The following SNX29 variants were observed in gnomAD, a reference collection of about 807,000 sequenced individuals.
The protein encoded by SNX29 is sorting nexin 29.
SNX29 carries 78 observed loss-of-function variants against 102.1 expected under a neutral mutation model. The observed-to-expected ratio is 0.76, with a 90% CI of 0.64 to 0.92. SNX29 has a LOEUF of 0.92. Among genes scored for constraint, SNX29 ranks in the 40% least tolerant of loss-of-function variants. The pLI, the probability that SNX29 is intolerant of heterozygous loss-of-function variation, is 0.00. For missense variants in SNX29, 1,280 were observed against 1,061.7 expected (o/e 1.21, Z -2.86); for synonymous variants, 580 against 414.5 (o/e 1.40, Z -4.85).
intron 15 of SNX29, among the ~76,000 whole-genome samples, chr16:12,299,194 G>GATA (rs2080080532): frequency 1.3e-5 from 2 of 152,090 alleles, no homozygotes; most frequent in Non-Finnish European, 2.9e-5. Flanking sequence ...CAGCTACTGA[G>GATA]GAGGCTGAGG....
rs1598147860 is a variant in SNX29, at chr16:12,574,255, A to T, written c.*5626A>T. 1.1e-5 allele frequency: 2 copies of T among 175,504 alleles called. No individual in the cohort carries two copies. Among genetic ancestry groups the T allele is most frequent in the East Asian group, 2.0e-4 (2 of 10,188 alleles). The allele number at this position is 175,504 out of a possible 1,614,324, so 10.9% of individuals were successfully genotyped here. ...GATCAACCTCTTTACAATGACACAA[A>T]TTGTGACATTTTATAAATTAGATAC... On this transcript the variant is annotated 3_prime_UTR_variant, in exon 21 of 21. Transcript: ENST00000566228.
Position 12,189,469 on chromosome 16 carries a change from C to G in SNX29, c.1596-10132C>G, listed in dbSNP as rs937151432. 4.6e-5 allele frequency among the ~76,000 whole-genome samples: 7 copies of G among 152,198 alleles called. No homozygotes were observed. In the South Asian group the frequency reaches 6.2e-4, roughly 14 times the overall value. On this transcript the variant is annotated intron_variant, in intron 13 of 20. Coordinates refer to ENST00000566228, the MANE Select transcript of SNX29 (RefSeq NM_032167.5). ...CTTGATGTTTCCTTTTGATTAGATT[C>G]GGTTTATGCATCTTCGTAGGAATGT... is the stretch of plus-strand genomic sequence containing the variant.
At chr16:12,218,715 A>C (rs1286514205) in intron 14 of SNX29, among the ~76,000 whole-genome samples, 1 of 152,206 alleles carries the variant, frequency 6.6e-6, no homozygotes, top group East Asian at 1.9e-4. Context: ...GCTATGCTAT[A>C]ATTTTTCAAA....
intron 19 of SNX29, among the ~76,000 whole-genome samples, chr16:12,508,452 A>G (rs1482625359): frequency 1.3e-5 from 2 of 152,162 alleles, no homozygotes; most frequent in Non-Finnish European, 2.9e-5. Context: ...TTGCTTCTGG[A>G]TGGCCTGTAG....
intron 11 of SNX29, among the ~76,000 whole-genome samples, chr16:12,118,001 G>T (rs2053805764): frequency 6.6e-6 from 1 of 152,052 alleles, no homozygotes; most frequent in East Asian, 1.9e-4. Flanking sequence ...GGAGGCTGAG[G>T]CAGGAGGATT....
chr16:12,035,769 G>C (rs3975436), intron 4 of SNX29, among the ~76,000 whole-genome samples: 4 of 152,184 alleles, frequency 2.6e-5, no homozygotes, highest in Non-Finnish European at 4.4e-5. Flanking sequence ...GTGGTATGTA[G>C]TCCTTTATCT....
intron 18 of SNX29, among the ~76,000 whole-genome samples, chr16:12,417,713 C>A (rs975881201): frequency 6.6e-6 from 1 of 151,780 alleles, no homozygotes; most frequent in Non-Finnish European, 1.5e-5. Flanking sequence ...TCTCTTTCCT[C>A]TCTTCTCTTT....
intron 15 of SNX29, among the ~76,000 whole-genome samples, chr16:12,312,889 T>G (rs910657119): frequency 6.6e-6 from 1 of 152,166 alleles, no homozygotes; most frequent in Non-Finnish European, 1.5e-5. Flanking sequence ...GAGACTGCTT[T>G]AAAAGCCCTT....
In SNX29 at chr16:12,517,561, C is replaced by T. The variant is rs144767934; in HGVS notation, c.2179-7141C>T. ...TCTTCCTATGGTCTGCCTGGCCTTC[C>T]CTAATTTTATCCCAACAGGTATTTG... is the stretch of plus-strand genomic sequence containing the variant. On this transcript the variant is annotated intron_variant, in intron 19 of 20. Coordinates refer to ENST00000566228, the MANE Select transcript of SNX29 (RefSeq NM_032167.5). Among the ~76,000 whole-genome samples, 91 of 152,188 alleles carry T rather than the reference C, an allele frequency of 6.0e-4. 1 individual carries two copies. Among genetic ancestry groups the T allele is most frequent in the African/African-American group, 2.1e-3 (88 of 41,470 alleles).
intron 16 of SNX29, among the ~76,000 whole-genome samples, chr16:12,357,626 G>A (rs1313927533): frequency 2.0e-5 from 3 of 152,092 alleles, no homozygotes; most frequent in Non-Finnish European, 4.4e-5. Context: ...TGAGGCCATC[G>A]CCACCACCCC....
chr16:12,477,060 G>T (rs1473739802), intron 18 of SNX29, among the ~76,000 whole-genome samples: 1 of 152,114 alleles, frequency 6.6e-6, no homozygotes. Flanking sequence ...AGGTGCTAAG[G>T]CCTGCAAAAA....
At position 12,299,740 on chromosome 16, in the gene SNX29, T is replaced by C. The variant is rs1364640346; in HGVS notation, c.1782+21704T>C. ...CCATCCCTTCTTTTTTAGTAGACTA[T>C]ATATTATGATCCATAGATACTTCTA... On this transcript the variant is annotated intron_variant, in intron 15 of 20. Coordinates refer to ENST00000566228, the MANE Select transcript of SNX29 (RefSeq NM_032167.5). Among the ~76,000 whole-genome samples, 5 of 151,432 alleles carry C rather than the reference T, an allele frequency of 3.3e-5. No homozygotes were observed. In the South Asian group the frequency reaches 8.4e-4, roughly 25 times the overall value.
rs375956537 is a variant in SNX29, at chr16:12,003,798, G to A, written c.122+755G>A. ...GAGGCAGGTGGATCACTTGAGGTCA[G>A]GAGTTCGAGACCAGGCTGGCCAACA... On this transcript the variant is annotated intron_variant, in intron 3 of 20. Transcript: ENST00000566228. Among the ~76,000 whole-genome samples the A allele has an allele frequency of 3.2e-4, 48 of 152,286 alleles. 1 individual carries two copies. Among genetic ancestry groups the A allele is most frequent in the Admixed American group, 9.2e-4 (14 of 15,294 alleles).
intron 20 of SNX29, among the ~76,000 whole-genome samples, chr16:12,558,061 T>G (rs180998258): frequency 6.6e-6 from 1 of 152,192 alleles, no homozygotes; most frequent in African/African-American, 2.4e-5. Context: ...AACAGAGACA[T>G]GATTGTGCTC....
intron 15 of SNX29, among the ~76,000 whole-genome samples, chr16:12,335,948 G>A (rs148957753): frequency 3.9e-4 from 59 of 152,180 alleles, no homozygotes; most frequent in African/African-American, 1.3e-3. Flanking sequence ...CACCTCCACC[G>A]CTACCCTCTC....
rs190836845 is a variant in SNX29 at position 12,165,701 on chromosome 16, C to T, written c.1596-33900C>T. Among the ~76,000 whole-genome samples the T allele has an allele frequency of 9.2e-5, 14 of 152,366 alleles. No individual in the cohort carries two copies. The East Asian group carries it at 2.3e-3, about 25-fold the overall frequency. On this transcript the variant is annotated intron_variant, in intron 13 of 20. Transcript: ENST00000566228. Reference sequence around the variant, plus strand: ...TCAGCCTCCCGAGTAGCTGGGATTACAGGCGCACGCCGCCACCATGCCTGG... The same window carrying T: ...TCAGCCTCCCGAGTAGCTGGGATTATAGGCGCACGCCGCCACCATGCCTGG...
At chr16:12,440,492 A>T (rs1191938565) in intron 18 of SNX29, among the ~76,000 whole-genome samples, 1 of 152,178 alleles carries the variant, frequency 6.6e-6, no homozygotes, top group Non-Finnish European at 1.5e-5. Flanking sequence ...TTTGTTACGT[A>T]GGTGAACTTG....
At chr16:12,199,306 A>G (rs1056883540) in intron 13 of SNX29, among the ~76,000 whole-genome samples, 25 of 152,220 alleles carry the variant, frequency 1.6e-4, no homozygotes. Flanking sequence ...ATAGGTGGGT[A>G]GCTCCAAACA....
chr16:12,014,537 C>A (rs527826206), intron 3 of SNX29, among the ~76,000 whole-genome samples: 34 of 151,674 alleles, frequency 2.2e-4, no homozygotes, highest in Admixed American at 8.5e-4. Context: ...GTTGGAGACC[C>A]GCCTGACCAA....
Sources: allele counts gnomAD v4.1 joint callset (sites outside exome capture counted in the v4.1 genomes callset), GRCh38; gene constraint gnomAD v4.1.1; transcripts MANE v1.5; gene names NCBI Gene and HGNC (gene_info 2026-07-23, HGNC 2026-07-21).